The following NIPBL variants were observed in gnomAD, a reference collection of about 807,000 sequenced individuals.
NIPBL encodes the protein nipped-B-like protein.
Under a neutral mutation model 321.8 loss-of-function variants are expected in NIPBL, and 19 were observed. That is an observed-to-expected ratio of 0.06 (90% CI 0.04 to 0.09). NIPBL has a LOEUF of 0.09. Among genes scored for constraint, NIPBL ranks in the 10% least tolerant of loss-of-function variants. The pLI, the probability that NIPBL is intolerant of heterozygous loss-of-function variation, is 1.00. For synonymous variants in NIPBL, 1,106 were observed against 1,114.1 expected (o/e 0.99, Z 0.14); for missense variants, 2,210 against 3,327.0 (o/e 0.66, Z 8.26).
At position 36,976,227 on chromosome 5, in the gene NIPBL, C is replaced by T. The variant is rs897924237; in HGVS notation, c.1320C>T (p.Asn440=). 2 of 1,613,636 alleles carry T rather than the reference C, an allele frequency of 1.2e-6. No homozygotes were observed. The highest frequency in any genetic ancestry group is 1.1e-5 in the South Asian group (1 of 91,012). The change falls in exon 9 of 47, where the codon AAC becomes AAT. Residue 440 remains asparagine, a synonymous_variant. Coordinates refer to ENST00000282516, the MANE Select transcript of NIPBL (RefSeq NM_133433.4). ...ATCAAGTGCCTGTTTTACAACAGAA[C>T]ACTTCAGTTGCTGCAAAACAACCCC... is the stretch of plus-strand genomic sequence containing the variant. ...PANQVPVLQQ[N]TSVAAKQPQT...
chr5:36,969,199 G>C (rs1742580979), intron 6 of NIPBL, among the ~76,000 whole-genome samples: 1 of 152,106 alleles, frequency 6.6e-6, no homozygotes, highest in Non-Finnish European at 1.5e-5. Flanking sequence ...TGGATAGGAA[G>C]ACTCAATAGG....
chr5:37,033,701 C>T (rs1191327399), intron 32 of NIPBL, among the ~76,000 whole-genome samples: 16 of 63,440 alleles, frequency 2.5e-4, no homozygotes, highest in African/African-American at 1.1e-3. Flanking sequence ...CACACACACA[C>T]ACACATATAT....
chr5:37,026,135 T>G, intron 30 of NIPBL, 94 bp from the exon 31 acceptor site: 1 of 738,182 alleles, frequency 1.4e-6, no homozygotes, highest in Non-Finnish European at 2.4e-6. Flanking sequence ...TGATTAGTTA[T>G]TTATAGCTTT....
At position 37,022,036 on chromosome 5, in the gene NIPBL, A is replaced by G. The variant is rs587783968; in HGVS notation, c.5329-15A>G. ...TATTCTAAAATTTACAAAAATGTCAATGTTTGCTTGGCAGATCCTACGAGT... is the reference window on the plus strand; with the variant it reads ...TATTCTAAAATTTACAAAAATGTCAGTGTTTGCTTGGCAGATCCTACGAGT... On this transcript the variant is annotated splice_polypyrimidine_tract_variant and intron_variant, in intron 27 of 46. Coordinates refer to ENST00000282516, the MANE Select transcript of NIPBL (RefSeq NM_133433.4). The G allele has an allele frequency of 6.2e-7, 1 of 1,607,704 alleles. No homozygotes were observed. The highest frequency in any genetic ancestry group is 8.5e-7 in the Non-Finnish European group (1 of 1,174,378).
intron 40 of NIPBL, 80 bp downstream of exon 40, chr5:37,049,381 AAGTAGTTCTTC>A: frequency 6.9e-7 from 1 of 1,452,050 alleles, no homozygotes; most frequent in Non-Finnish European, 9.7e-7. Context: ...TATAGAGAAT[AAGTAGTTCTTC>A]GTTCCTCTTA....
intron 1 of NIPBL, among the ~76,000 whole-genome samples, chr5:36,904,902 C>T (rs536239853): frequency 6.6e-6 from 1 of 152,094 alleles, no homozygotes; most frequent in Non-Finnish European, 1.5e-5. Flanking sequence ...ATCCCTTTTG[C>T]CATATTCTAT....
intron 1 of NIPBL, among the ~76,000 whole-genome samples, chr5:36,928,536 G>T (rs1749535352): frequency 6.6e-6 from 1 of 152,160 alleles, no homozygotes; most frequent in Admixed American, 6.6e-5. Context: ...ATCTCTAGAT[G>T]CAATTTTACT....
At chr5:37,048,973 A>ACT (rs1358781439) in intron 39 of NIPBL, 138 bp from the exon 40 acceptor site, 1 of 840,060 alleles carries the variant, frequency 1.2e-6, no homozygotes, top group Admixed American at 2.0e-5. Flanking sequence ...ACACACACTC[A>ACT]CACACAGATT....
chr5:36,912,162 A>G (rs923514852), intron 1 of NIPBL, among the ~76,000 whole-genome samples: 5 of 152,242 alleles, frequency 3.3e-5, no homozygotes, highest in African/African-American at 1.2e-4. Context: ...AAAAGAGAAT[A>G]GATTTAAGAA....
At chr5:37,015,233 C>T (rs1158463426) in intron 22 of NIPBL, among the ~76,000 whole-genome samples, 1 of 152,072 alleles carries the variant, frequency 6.6e-6, no homozygotes, top group East Asian at 1.9e-4. Context: ...AAGCGATTCT[C>T]CTGCCTCAGC....
intron 1 of NIPBL, chr5:36,886,272 G>A: frequency 1.5e-6 from 1 of 669,460 alleles, no homozygotes. Context: ...AGGCAGAGGG[G>A]CAGCACCAGG....
intron 11 of NIPBL, chr5:36,997,131 T>C (rs973788773): frequency 4.6e-5 from 7 of 152,206 alleles, no homozygotes; most frequent in Admixed American, 4.6e-4. Context: ...CGTGGTTAGC[T>C]CTGGAAGATG....
At chr5:36,885,962 G>A in intron 1 of NIPBL, 1 of 732,198 alleles carries the variant, frequency 1.4e-6, no homozygotes, top group Non-Finnish European at 2.5e-6. Context: ...AGACATACAG[G>A]CCCAATACGA....
intron 9 of NIPBL, among the ~76,000 whole-genome samples, chr5:36,981,024 G>T (rs1199297650): frequency 6.6e-6 from 1 of 151,618 alleles, no homozygotes; most frequent in Non-Finnish European, 1.5e-5. Flanking sequence ...ATACTTCCTT[G>T]AAATTAATTT....
chr5:36,881,422 A>T (rs1443760010), intron 1 of NIPBL, among the ~76,000 whole-genome samples: 1 of 151,810 alleles, frequency 6.6e-6, no homozygotes, highest in Non-Finnish European at 1.5e-5. Context: ...TCATTGCTTG[A>T]TGTAGCATTG....
intron 43 of NIPBL, among the ~76,000 whole-genome samples, chr5:37,058,449 C>T (rs1193033581): frequency 2.6e-5 from 4 of 152,160 alleles, no homozygotes; most frequent in African/African-American, 7.2e-5. Context: ...TTTAAGTCTT[C>T]AGAGAAAATT....
At chr5:36,944,081 C>T (rs891842062) in intron 1 of NIPBL, among the ~76,000 whole-genome samples, 1 of 151,572 alleles carries the variant, frequency 6.6e-6, no homozygotes, top group Non-Finnish European at 1.5e-5. Context: ...AAAAATTAAG[C>T]CATTGTTGGA....
At chr5:37,038,810 C>T (rs1407224936) in intron 34 of NIPBL, 72 bp downstream of exon 34, 6 of 1,454,994 alleles carry the variant, frequency 4.1e-6, no homozygotes, top group South Asian at 1.2e-5. Flanking sequence ...AGTTCACATG[C>T]GTCAACCACA....
At chr5:37,050,495 A>C (rs1753421195) in intron 40 of NIPBL, among the ~76,000 whole-genome samples, 2 of 152,074 alleles carry the variant, frequency 1.3e-5, no homozygotes, top group Non-Finnish European at 1.5e-5. Flanking sequence ...AAAAAAAAAA[A>C]AAATTCACAC....
Sources: allele counts gnomAD v4.1 joint callset (sites outside exome capture counted in the v4.1 genomes callset), GRCh38; gene constraint gnomAD v4.1.1; transcripts MANE v1.5; gene names NCBI Gene and HGNC (gene_info 2026-07-23, HGNC 2026-07-21).